Variants in LCLAT1 observed in about 807,000 individuals in gnomAD.
LCLAT1 encodes lysocardiolipin acyltransferase 1.
Under a neutral mutation model 30.7 loss-of-function variants are expected in LCLAT1, and 11 were observed. The ratio of observed to expected loss-of-function variants is 0.36; its 90% CI spans 0.23 to 0.59. LCLAT1 has a LOEUF of 0.59. Ranked by LOEUF, LCLAT1 falls within the 20% of genes least tolerant of loss-of-function variation. The probability of loss-of-function intolerance (pLI) is 0.77; values close to 1 mark genes in which losing one functional copy is unlikely to be tolerated. For synonymous variants in LCLAT1, 155 were observed against 151.3 expected (o/e 1.02, Z -0.18); for missense variants, 402 against 458.6 (o/e 0.88, Z 1.13).
At chr2:30,537,841 G>A (rs1280437672) in intron 3 of LCLAT1, among the ~76,000 whole-genome samples, 1 of 152,142 alleles carries the variant, frequency 6.6e-6, no homozygotes, top group East Asian at 1.9e-4. Flanking sequence ...CACAAAACAA[G>A]TCTCAGCAAA....
intron 3 of LCLAT1, among the ~76,000 whole-genome samples, chr2:30,544,642 C>T (rs11678346): frequency 0.62 from 94,468 of 151,604 alleles, 29,623 homozygotes; most frequent in Non-Finnish European, 0.67. Flanking sequence ...TCTCAACTTC[C>T]CCTCTGTGTG....
chr2:30,592,367 C>T (rs1339440330), intron 5 of LCLAT1, among the ~76,000 whole-genome samples: 1 of 152,110 alleles, frequency 6.6e-6, no homozygotes, highest in East Asian at 1.9e-4. Flanking sequence ...GTAATCCCAG[C>T]TACACGGGAG....
At chr2:30,451,520 A>G (rs1254496709) in intron 1 of LCLAT1, among the ~76,000 whole-genome samples, 1 of 152,282 alleles carries the variant, frequency 6.6e-6, no homozygotes, top group African/African-American at 2.4e-5. Context: ...AGTAGAATGG[A>G]TGAGTAAATT....
chr2:30,534,359 G>A (rs1039449827), intron 3 of LCLAT1, among the ~76,000 whole-genome samples: 2 of 151,928 alleles, frequency 1.3e-5, no homozygotes, highest in East Asian at 3.9e-4. Context: ...CTCACTGCAA[G>A]CTCCACCTCG....
At chr2:30,586,702 A>G (rs908858762) in intron 5 of LCLAT1, among the ~76,000 whole-genome samples, 15 of 152,164 alleles carry the variant, frequency 9.9e-5, no homozygotes, top group Admixed American at 9.2e-4. Flanking sequence ...TCTCTGCAGT[A>G]GCAATTTCAA....
At chr2:30,555,843 T>C (rs1558516808) in intron 3 of LCLAT1, among the ~76,000 whole-genome samples, 1 of 149,342 alleles carries the variant, frequency 6.7e-6, no homozygotes, top group Non-Finnish European at 1.5e-5. Flanking sequence ...CTTTTTCTTT[T>C]TTTTTTTTTT....
intron 5 of LCLAT1, among the ~76,000 whole-genome samples, chr2:30,631,835 A>G (rs1668783106): frequency 2.6e-5 from 4 of 152,194 alleles, no homozygotes; most frequent in Admixed American, 2.0e-4. Flanking sequence ...TTTTTTATAT[A>G]TGAGAGTTCC....
At chr2:30,536,646 CA>C (rs1220366193) in intron 3 of LCLAT1, among the ~76,000 whole-genome samples, 2 of 152,116 alleles carry the variant, frequency 1.3e-5, no homozygotes, top group Non-Finnish European at 2.9e-5. Flanking sequence ...TCTGCATCTG[CA>C]GTAAAAAAGT....
At chr2:30,568,615 C>A (rs1665623052) in intron 5 of LCLAT1, among the ~76,000 whole-genome samples, 1 of 149,456 alleles carries the variant, frequency 6.7e-6, no homozygotes, top group African/African-American at 2.5e-5. Flanking sequence ...TCCCGCCATT[C>A]CCCTGCCTCA....
intron 5 of LCLAT1, among the ~76,000 whole-genome samples, chr2:30,572,272 A>G (rs927842644): frequency 2.0e-5 from 3 of 152,202 alleles, no homozygotes. Flanking sequence ...CCTTAATGAA[A>G]AAGGATAGAA....
intron 5 of LCLAT1, among the ~76,000 whole-genome samples, chr2:30,638,541 C>T (rs1435378377): frequency 6.6e-6 from 1 of 152,236 alleles, no homozygotes; most frequent in Non-Finnish European, 1.5e-5. Flanking sequence ...AAGTTTCTCA[C>T]TGAAGGTAAC....
intron 5 of LCLAT1, among the ~76,000 whole-genome samples, chr2:30,610,168 C>T (rs867139540): frequency 1.3e-5 from 2 of 151,816 alleles, no homozygotes; most frequent in Non-Finnish European, 1.5e-5. Flanking sequence ...CTAATTTTTT[C>T]GTTCCTTCTT....
At chr2:30,594,206 T>A (rs1666818860) in intron 5 of LCLAT1, among the ~76,000 whole-genome samples, 1 of 152,128 alleles carries the variant, frequency 6.6e-6, no homozygotes, top group African/African-American at 2.4e-5. Flanking sequence ...ATAAAAATTT[T>A]AAAAAATCAA....
chr2:30,518,707 A>G (rs1248369441), intron 1 of LCLAT1, among the ~76,000 whole-genome samples: 1 of 152,186 alleles, frequency 6.6e-6, no homozygotes, highest in Non-Finnish European at 1.5e-5. Flanking sequence ...CAAATACCAG[A>G]GGAAGCAGAA....
intron 3 of LCLAT1, among the ~76,000 whole-genome samples, chr2:30,545,181 G>C (rs1485310216): frequency 6.6e-6 from 1 of 152,146 alleles, no homozygotes; most frequent in African/African-American, 2.4e-5. Flanking sequence ...CAGCATGTTT[G>C]CCAGTGAGAG....
chr2:30,583,767 G>A lies in LCLAT1; in HGVS notation c.628+15591G>A, dbSNP rs190478033. Among the ~76,000 whole-genome samples, 306 of 152,138 alleles carry A rather than the reference G, an allele frequency of 2.0e-3. 2 individuals are homozygous for A. Among genetic ancestry groups the A allele is most frequent in the African/African-American group, 6.9e-3 (287 of 41,498 alleles). The stretch of plus-strand genomic sequence containing the variant: ...AATTTCTACCCATTGGATTTTTCAG[G>A]CTTCTAATTATTGGTATGTATATTA... On this transcript the variant is annotated intron_variant, in intron 5 of 5. Coordinates refer to ENST00000379509, the MANE Select transcript of LCLAT1 (RefSeq NM_001002257.3).
chr2:30,539,642 GA>G (rs1391162993), intron 3 of LCLAT1, among the ~76,000 whole-genome samples: 3 of 152,070 alleles, frequency 2.0e-5, no homozygotes, highest in Non-Finnish European at 4.4e-5. Context: ...TCATTTTAAG[GA>G]ATCTTCTCTT....
At chr2:30,620,610 T>C (rs898580851) in intron 5 of LCLAT1, among the ~76,000 whole-genome samples, 3 of 152,206 alleles carry the variant, frequency 2.0e-5, no homozygotes, top group African/African-American at 7.2e-5. Context: ...TCTCAAAATA[T>C]GCCACTTTAT....
chr2:30,579,354 C>G (rs2148464047), intron 5 of LCLAT1, among the ~76,000 whole-genome samples: 1 of 152,168 alleles, frequency 6.6e-6, no homozygotes, highest in Admixed American at 6.5e-5. Flanking sequence ...AAGAAAATGT[C>G]TTTGTCGTAA....
Sources: allele counts gnomAD v4.1 joint callset (sites outside exome capture counted in the v4.1 genomes callset), GRCh38; gene constraint gnomAD v4.1.1; transcripts MANE v1.5; gene names NCBI Gene and HGNC (gene_info 2026-07-23, HGNC 2026-07-21).